Variants in CR1L observed in about 807,000 individuals in gnomAD.
CR1L encodes the protein complement component receptor 1-like protein.
In CR1L, 59 loss-of-function variants were observed where a neutral mutation model predicts 62.3. The observed-to-expected ratio is 0.95, with a 90% CI of 0.77 to 1.18. The LOEUF (loss-of-function observed/expected upper bound fraction) is 1.18. Ranked by LOEUF, CR1L falls within the 50% of genes most tolerant of loss-of-function variation. The pLI is 0.00. For synonymous variants in CR1L, 279 were observed against 248.7 expected, an observed-to-expected ratio of 1.12 and a Z score of -1.15; for missense variants, 700 against 702.8, an observed-to-expected ratio of 1.00 and a Z score of 0.04.
At chr1:207,649,689 T>C (rs893265211) in intron 1 of CR1L, among the ~76,000 whole-genome samples, 10 of 152,162 alleles carry the variant, frequency 6.6e-5, no homozygotes, top group Admixed American at 6.5e-4. Context: ...CTAACTGGAA[T>C]GTATTCTTGG....
intron 1 of CR1L, among the ~76,000 whole-genome samples, chr1:207,649,574 T>A (rs1252453874): frequency 6.6e-6 from 1 of 152,130 alleles, no homozygotes. Context: ...GGTCTCAGCA[T>A]GTGGGAGCTC....
At chr1:207,690,256 T>A (rs1367673107) in intron 4 of CR1L, among the ~76,000 whole-genome samples, 2 of 152,194 alleles carry the variant, frequency 1.3e-5, no homozygotes, top group Non-Finnish European at 1.5e-5. Flanking sequence ...TAAAACTATT[T>A]TACTTCCCAC....
At chr1:207,682,984 C>CTTTT (rs369838261) in intron 3 of CR1L, among the ~76,000 whole-genome samples, 2 of 77,626 alleles carry the variant, frequency 2.6e-5, no homozygotes, top group Admixed American at 1.1e-4. Flanking sequence ...TTCTTTCTTT[C>CTTTT]TTTCTTTTTT....
chr1:207,657,467 C>A, intron 1 of CR1L: 1 of 505,552 alleles, frequency 2.0e-6, no homozygotes, highest in Non-Finnish European at 3.5e-6. Flanking sequence ...CAATTCAAGC[C>A]AAAAAATAGT....
rs79233041 is a variant in CR1L at position 207,716,139 on chromosome 1, T to G, written c.1415-1325T>G. 2.2e-3 allele frequency among the ~76,000 whole-genome samples: 335 copies of G among 152,222 alleles called. 6 individuals carry two copies. The East Asian group carries it at 0.042, about 19-fold the overall frequency. ...AATGCAATGAAGAGTAAAAGAATAGTGAAGCCACCTCCCTACTTTCCTGGA... is the reference window on the plus strand; with the variant it reads ...AATGCAATGAAGAGTAAAAGAATAGGGAAGCCACCTCCCTACTTTCCTGGA... On this transcript the variant is annotated intron_variant, in intron 10 of 11. Coordinates refer to ENST00000508064, the MANE Select transcript of CR1L (RefSeq NM_175710.2).
chr1:207,722,086 A>G lies in CR1L; in HGVS notation c.1643-1532A>G, dbSNP rs1299156849. ...TGTTTGAGTTCATTGTAGATTCTGG[A>G]TATTAGCCCTTTGTCAGATGAGTAG... On this transcript the variant is annotated intron_variant, in intron 11 of 11. Transcript: ENST00000508064. Among the ~76,000 whole-genome samples, 203 of 65,580 alleles carry G rather than the reference A, an allele frequency of 3.1e-3. 4 individuals are homozygous for G. Among genetic ancestry groups the G allele is most frequent in the South Asian group, 0.018 (35 of 1,914 alleles). 43.0% of individuals were successfully genotyped at this position (65,580 alleles called of 152,430 possible).
intron 11 of CR1L, among the ~76,000 whole-genome samples, chr1:207,718,722 T>A (rs534071184): frequency 4.7e-4 from 71 of 152,286 alleles, no homozygotes; most frequent in Non-Finnish European, 1.0e-4. Flanking sequence ...GTGCTGACTT[T>A]TTTGACCTGT....
chr1:207,682,996 C>CTTTCTTTCTTTCTTTT, intron 3 of CR1L, among the ~76,000 whole-genome samples: 1 of 133,218 alleles, frequency 7.5e-6, no homozygotes, highest in African/African-American at 2.8e-5. Flanking sequence ...TTCTTTTTTT[C>CTTTCTTTCTTTCTTTT]TTTCTTTCTT....
chr1:207,669,550 C>A, intron 1 of CR1L: 1 of 1,565,738 alleles, frequency 6.4e-7, no homozygotes, highest in Admixed American at 1.8e-5. Flanking sequence ...GCTGCTCGCG[C>A]TGCCGGTGGC....
At chr1:207,712,117 G>T (rs1434061360) in intron 10 of CR1L, among the ~76,000 whole-genome samples, 1 of 152,148 alleles carries the variant, frequency 6.6e-6, no homozygotes, top group African/African-American at 2.4e-5. Context: ...CCTGAGTGAG[G>T]CAAGAACCCT....
chr1:207,683,794 A>C, intron 3 of CR1L, 78 bp from the exon 4 acceptor site: 1 of 1,351,824 alleles, frequency 7.4e-7, no homozygotes, highest in Non-Finnish European at 1.0e-6. Context: ...ATAAGAGTGT[A>C]ATCTCTGGAA....
At position 207,708,290 on chromosome 1, in the gene CR1L, A is replaced by T. The variant is rs774032250; in HGVS notation, c.1414+27A>T. 3.7e-6 allele frequency: 6 copies of T among 1,608,140 alleles called. 1 individual carries two copies. In the South Asian group the frequency reaches 5.5e-5, roughly 15 times the overall value. On this transcript the variant is annotated intron_variant, in intron 10 of 11. Coordinates refer to ENST00000508064, the MANE Select transcript of CR1L (RefSeq NM_175710.2). ...TGAGTTGAAATCTCTTTCCCCATTC[A>T]CCCCACCATTTAACCCTAGAGTTGT...
chr1:207,695,647 A>G (rs775435262), intron 5 of CR1L, among the ~76,000 whole-genome samples: 52 of 152,194 alleles, frequency 3.4e-4, no homozygotes, highest in Non-Finnish European at 5.0e-4. Context: ...TGTATAAAGA[A>G]CTACCTGAGA....
At chr1:207,706,038 T>TAC (rs1299424879) in intron 9 of CR1L, among the ~76,000 whole-genome samples, 7 of 145,464 alleles carry the variant, frequency 4.8e-5, no homozygotes, top group Admixed American at 1.4e-4. Flanking sequence ...TATATATATA[T>TAC]ATATATAAAA....
chr1:207,670,742 C>G (rs1401682829), intron 1 of CR1L, among the ~76,000 whole-genome samples: 2 of 151,114 alleles, frequency 1.3e-5, no homozygotes, highest in African/African-American at 2.5e-5. Flanking sequence ...AGTAACCTGT[C>G]TAGTGAAGAG....
intron 1 of CR1L, chr1:207,658,767 T>G (rs1008303575): frequency 6.6e-6 from 1 of 152,286 alleles, no homozygotes; most frequent in African/African-American, 2.4e-5. Context: ...CGGAGACTGC[T>G]GCACGAAGGG....
intron 9 of CR1L, among the ~76,000 whole-genome samples, chr1:207,703,721 C>T (rs1664226944): frequency 6.6e-6 from 1 of 152,142 alleles, no homozygotes; most frequent in Non-Finnish European, 1.5e-5. Flanking sequence ...TATTGGGAGA[C>T]CAAGGTGGGC....
chr1:207,694,885 T>C, intron 5 of CR1L, 134 bp downstream of exon 5: 1 of 1,495,260 alleles, frequency 6.7e-7, no homozygotes, highest in Non-Finnish European at 8.9e-7. Context: ...GTAGTGAACA[T>C]GAAATTCAGA....
intron 4 of CR1L, 58 bp from the exon 5 acceptor site, chr1:207,694,295 T>C: frequency 1.3e-6 from 2 of 1,592,064 alleles, no homozygotes; most frequent in African/African-American, 1.3e-5. Flanking sequence ...TACAGTTTAG[T>C]GACTCGTGAG....
Sources: gnomAD v4.1 joint callset for allele counts (sites outside exome capture counted in the v4.1 genomes callset) on GRCh38, gnomAD v4.1.1 for gene constraint, MANE v1.5 for transcripts, NCBI Gene and HGNC (gene_info 2026-07-23, HGNC 2026-07-21) for gene names.